Variants in SAMD5 observed in about 807,000 individuals in gnomAD.
SAMD5 encodes sterile alpha motif domain-containing protein 5.
In SAMD5, 13 loss-of-function variants were observed where a neutral mutation model predicts 11.3. The ratio of observed to expected loss-of-function variants is 1.15; its 90% confidence interval spans 0.75 to 1.83. The LOEUF (loss-of-function observed/expected upper bound fraction) is 1.83, where lower values mean the gene tolerates loss of function less well. SAMD5 is among the 40% of genes most tolerant of loss of function. SAMD5 has a pLI of 0.00. For missense variants in SAMD5, 255 were observed against 239.1 expected (o/e 1.07, Z -0.44); for synonymous variants, 129 against 111.3 (o/e 1.16, Z -1.00).
chr6:147,522,858 T>C (rs1329038382), intron 1 of SAMD5, among the ~76,000 whole-genome samples: 1 of 152,152 alleles, frequency 6.6e-6, no homozygotes, highest in African/African-American at 2.4e-5. Flanking sequence ...AGCCACATAG[T>C]TGTGGGTAAA....
the SAMD5 span, among the ~76,000 whole-genome samples, chr6:147,922,847 A>G: frequency 1.1e-3 from 169 of 152,284 alleles, no homozygotes; most frequent in African/African-American, 3.7e-3. Context: ...AGTGTGTAAT[A>G]ATGGAGATGA....
chr6:147,673,217 ATTT>A (rs34581819), intron 1 of SAMD5, among the ~76,000 whole-genome samples: 1 of 144,602 alleles, frequency 6.9e-6, no homozygotes, highest in Non-Finnish European at 1.5e-5. Flanking sequence ...AGCAAAAACC[ATTT>A]TTTTTTTTTT....
chr6:147,758,892 A>G, the SAMD5 span, among the ~76,000 whole-genome samples: 2 of 152,152 alleles, frequency 1.3e-5, no homozygotes, highest in African/African-American at 2.4e-5. Context: ...CTCTAAAAGA[A>G]GGTCATCTTA....
downstream of SAMD5, among the ~76,000 whole-genome samples, chr6:147,742,269 GTGTT>G (rs1296922670): frequency 1.3e-5 from 2 of 152,036 alleles, no homozygotes; most frequent in Non-Finnish European, 2.9e-5. Flanking sequence ...TGTGTTGTGT[GTGTT>G]TGTGTCTGTG....
At chr6:147,909,617 T>TC in the SAMD5 span, among the ~76,000 whole-genome samples, 21 of 67,028 alleles carry the variant, frequency 3.1e-4, 1 homozygote, top group African/African-American at 9.4e-4. Context: ...TCTTTCTTTC[T>TC]TTCTTTCTTT....
At chr6:147,954,642 CTTTT>C in the SAMD5 span, among the ~76,000 whole-genome samples, 176 of 137,272 alleles carry the variant, frequency 1.3e-3, 1 homozygote, top group East Asian at 4.1e-4. Context: ...TTTTTAACCT[CTTTT>C]TTTTTTTTTT....
the SAMD5 span, among the ~76,000 whole-genome samples, chr6:147,880,666 C>T: frequency 6.6e-6 from 1 of 152,146 alleles, no homozygotes; most frequent in Non-Finnish European, 1.5e-5. Context: ...TCCTCTCCTT[C>T]AGCTCGTGGG....
chr6:147,945,490 C>A, the SAMD5 span, among the ~76,000 whole-genome samples: 1 of 151,976 alleles, frequency 6.6e-6, no homozygotes, highest in Non-Finnish European at 1.5e-5. Context: ...AAAATTTTGG[C>A]CAAGTAATAG....
At chr6:147,616,371 C>A (rs111355918) in intron 1 of SAMD5, among the ~76,000 whole-genome samples, 2 of 150,162 alleles carry the variant, frequency 1.3e-5, no homozygotes, top group Non-Finnish European at 2.9e-5. Flanking sequence ...TTATATGCCA[C>A]GGTCTGGCAT....
chr6:147,586,911 A>G (rs980263300), intron 1 of SAMD5, among the ~76,000 whole-genome samples: 2 of 152,102 alleles, frequency 1.3e-5, no homozygotes, highest in African/African-American at 2.4e-5. Flanking sequence ...AATTATTTGT[A>G]CATAAATTAT....
intron 1 of SAMD5, among the ~76,000 whole-genome samples, chr6:147,724,700 T>A (rs1465755699): frequency 6.6e-6 from 1 of 152,128 alleles, no homozygotes; most frequent in East Asian, 1.9e-4. Context: ...TTCTGGCTCA[T>A]GATGGAGATG....
In SAMD5 at chr6:147,565,146, A is replaced by T. The variant is rs1218040855; in HGVS notation, c.*690A>T. 1.0e-6 allele frequency: 1 copy of T among 985,450 alleles called. No individual in the cohort carries two copies. Among genetic ancestry groups the T allele is most frequent in the East Asian group, 1.1e-4 (1 of 8,822 alleles). 61.0% of individuals were successfully genotyped at this position (985,450 alleles called of 1,614,324 possible). ...GCTGAGGTTTAGTATTAGGACTAATACAAGTGTCTTGCTCTGACATGCATC... is the reference window on the plus strand; with the variant it reads ...GCTGAGGTTTAGTATTAGGACTAATTCAAGTGTCTTGCTCTGACATGCATC... On this transcript the variant is annotated 3_prime_UTR_variant, in exon 2 of 2. Coordinates refer to ENST00000367474, the MANE Select transcript of SAMD5 (RefSeq NM_001030060.3).
At chr6:147,851,420 G>A in the SAMD5 span, among the ~76,000 whole-genome samples, 3 of 152,074 alleles carry the variant, frequency 2.0e-5, no homozygotes, top group Non-Finnish European at 4.4e-5. Context: ...TCAAATAAGG[G>A]GAGACTACGG....
At chr6:147,953,974 A>G in the SAMD5 span, 6 of 152,244 alleles carry the variant, frequency 3.9e-5, no homozygotes. Context: ...AATTCTAAGT[A>G]TATTTTTATA....
At position 147,549,242 on chromosome 6, in the gene SAMD5, T is replaced by G. The variant is rs576700245; in HGVS notation, c.460-15152T>G. 3.9e-5 allele frequency among the ~76,000 whole-genome samples: 6 copies of G among 152,336 alleles called. No homozygotes were observed. In the East Asian group the frequency reaches 1.2e-3, roughly 29 times the overall value. ...AAATCATCTTGGCCTGAATTCCTAT[T>G]GCAGCCACGGTTGAGCAAACAGCTC... is the stretch of plus-strand genomic sequence containing the variant. On this transcript the variant is annotated intron_variant, in intron 1 of 1. Transcript: ENST00000367474.
At chr6:147,578,217 C>G (rs1477519868) in intron 1 of SAMD5, among the ~76,000 whole-genome samples, 2 of 152,120 alleles carry the variant, frequency 1.3e-5, no homozygotes, top group Non-Finnish European at 2.9e-5. Context: ...TTTTTTGACT[C>G]TAATTATTAG....
chr6:147,801,517 C>T, the SAMD5 span, among the ~76,000 whole-genome samples: 1 of 152,184 alleles, frequency 6.6e-6, no homozygotes, highest in Non-Finnish European at 1.5e-5. Flanking sequence ...TCTCCAAAGC[C>T]TTCTTTTCTC....
chr6:147,605,171 T>A (rs942042342), intron 1 of SAMD5, among the ~76,000 whole-genome samples: 2 of 152,116 alleles, frequency 1.3e-5, no homozygotes, highest in Non-Finnish European at 2.9e-5. Context: ...CAGGCTGGAG[T>A]GCATGATCAT....
At chr6:147,776,677 T>C in the SAMD5 span, among the ~76,000 whole-genome samples, 1 of 152,232 alleles carries the variant, frequency 6.6e-6, no homozygotes, top group Admixed American at 6.5e-5. Flanking sequence ...TTCCAAAGTG[T>C]AGAACTGTTA....
Sources: allele counts gnomAD v4.1 joint callset (sites outside exome capture counted in the v4.1 genomes callset), GRCh38; gene constraint gnomAD v4.1.1; transcripts MANE v1.5; gene names NCBI Gene and HGNC (gene_info 2026-07-23, HGNC 2026-07-21).